Variants in RGS5 observed in about 807,000 individuals in gnomAD.
RGS5 encodes the protein regulator of G-protein signalling 5.
In RGS5, 20 loss-of-function variants were observed where a neutral mutation model predicts 18.9. The ratio of observed to expected loss-of-function variants is 1.06; its 90% confidence interval spans 0.74 to 1.54. The LOEUF is 1.54. Ranked by LOEUF, RGS5 falls within the 40% of genes most tolerant of loss-of-function variation. The probability of loss-of-function intolerance (pLI) is 0.00; values close to 1 mark genes in which losing one functional copy is unlikely to be tolerated. For missense variants in RGS5, 201 were observed against 211.8 expected (o/e 0.95, Z 0.32); for synonymous variants, 57 against 76.2 (o/e 0.75, Z 1.31).
chr1:163,296,550 C>G (rs917685455), intron 2 of RGS5, among the ~76,000 whole-genome samples: 1 of 152,158 alleles, frequency 6.6e-6, no homozygotes, highest in Non-Finnish European at 1.5e-5. Flanking sequence ...GTGGGCCACT[C>G]AGCCATCACT....
chr1:163,170,179 T>C (rs915823902), intron 1 of RGS5, among the ~76,000 whole-genome samples: 9 of 152,196 alleles, frequency 5.9e-5, no homozygotes, highest in Non-Finnish European at 1.2e-4. Flanking sequence ...TTACCCATGC[T>C]TTTAAGACAG....
chr1:163,196,278 C>T (rs1328837831), intron 1 of RGS5, among the ~76,000 whole-genome samples: 3 of 152,290 alleles, frequency 2.0e-5, no homozygotes, highest in African/African-American at 7.2e-5. Flanking sequence ...TTACTAATGA[C>T]TGATCCTGAC....
At chr1:163,313,997 A>ATGTG (rs760320834) in intron 1 of RGS5, among the ~76,000 whole-genome samples, 16 of 149,486 alleles carry the variant, frequency 1.1e-4, no homozygotes, top group Non-Finnish European at 1.5e-4. Flanking sequence ...AATAAGATAT[A>ATGTG]TATGTGTGTG....
At chr1:163,165,751 A>G (rs1459622733) in intron 2 of RGS5, among the ~76,000 whole-genome samples, 1 of 152,070 alleles carries the variant, frequency 6.6e-6, no homozygotes, top group Non-Finnish European at 1.5e-5. Context: ...ACTAAAAAAT[A>G]CAAAATTAGC....
At chr1:163,223,545 C>G (rs879050802) in intron 2 of RGS5, among the ~76,000 whole-genome samples, 1 of 152,122 alleles carries the variant, frequency 6.6e-6, no homozygotes, top group East Asian at 1.9e-4. Flanking sequence ...CCTATATCTC[C>G]AAACCTTTGG....
intron 2 of RGS5, among the ~76,000 whole-genome samples, chr1:163,264,500 T>C (rs935956834): frequency 2.0e-5 from 3 of 152,192 alleles, no homozygotes; most frequent in African/African-American, 7.2e-5. Flanking sequence ...ACACATTTCA[T>C]CCTTGAGCAT....
At chr1:163,278,475 T>G (rs182997894) in intron 2 of RGS5, among the ~76,000 whole-genome samples, 207 of 152,174 alleles carry the variant, frequency 1.4e-3, no homozygotes, top group South Asian at 2.5e-3. Context: ...TTAAGGGAGA[T>G]CATTTTCAGG....
At chr1:163,317,514 A>G (rs1191450381) in intron 1 of RGS5, among the ~76,000 whole-genome samples, 1 of 152,138 alleles carries the variant, frequency 6.6e-6, no homozygotes, top group Non-Finnish European at 1.5e-5. Flanking sequence ...GATTACTACA[A>G]TTATCTCCTA....
At chr1:163,176,569 TGAGATCACGCCA>T (rs1658568243) in intron 1 of RGS5, among the ~76,000 whole-genome samples, 1 of 147,270 alleles carries the variant, frequency 6.8e-6, no homozygotes, top group South Asian at 2.1e-4. Flanking sequence ...TGTGGTGAGC[TGAGATCACGCCA>T]TTGCACTCCA....
intron 2 of RGS5, among the ~76,000 whole-genome samples, chr1:163,300,015 T>C (rs1175045122): frequency 6.6e-6 from 1 of 152,242 alleles, no homozygotes; most frequent in Non-Finnish European, 1.5e-5. Context: ...TTCAACTTTA[T>C]AGCTTTCAAT....
chr1:163,228,583 T>G (rs560526298), intron 2 of RGS5, among the ~76,000 whole-genome samples: 2 of 152,318 alleles, frequency 1.3e-5, no homozygotes, highest in East Asian at 3.9e-4. Flanking sequence ...GGACACCTTT[T>G]CCCCATTGTC....
chr1:163,294,681 G>A (rs888765914), intron 2 of RGS5, among the ~76,000 whole-genome samples: 3 of 152,174 alleles, frequency 2.0e-5, no homozygotes, highest in African/African-American at 7.2e-5. Flanking sequence ...CCCAGAAAAT[G>A]GGGTTTTCTT....
chr1:163,166,464 A>C (rs1658057147), intron 2 of RGS5, among the ~76,000 whole-genome samples: 1 of 152,204 alleles, frequency 6.6e-6, no homozygotes, highest in African/African-American at 2.4e-5. Context: ...AATACAGAGA[A>C]ATTTTAAAGT....
intron 1 of RGS5, among the ~76,000 whole-genome samples, chr1:163,213,302 T>G (rs1195236217): frequency 6.6e-6 from 1 of 152,202 alleles, no homozygotes; most frequent in African/African-American, 2.4e-5. Flanking sequence ...AATTAAAACT[T>G]AAGTTTCCCT....
At chr1:163,188,370 C>T (rs1571263569) in intron 1 of RGS5, among the ~76,000 whole-genome samples, 1 of 152,124 alleles carries the variant, frequency 6.6e-6, no homozygotes. Flanking sequence ...AAGGCACCCA[C>T]AAAAGGAAAA....
At chr1:163,280,492 T>C (rs1455109417) in intron 2 of RGS5, among the ~76,000 whole-genome samples, 3 of 151,892 alleles carry the variant, frequency 2.0e-5, no homozygotes, top group Non-Finnish European at 4.4e-5. Context: ...AAATTAGCTA[T>C]AGAAATCAAA....
chr1:163,224,146 A>G (rs1258694360), intron 2 of RGS5, among the ~76,000 whole-genome samples: 1 of 152,134 alleles, frequency 6.6e-6, no homozygotes, highest in Non-Finnish European at 1.5e-5. Flanking sequence ...GTGCAATAGA[A>G]CACCAGAACT....
At chr1:163,228,050 C>A (rs10917703) in intron 2 of RGS5, among the ~76,000 whole-genome samples, 64,747 of 152,056 alleles carry the variant, frequency 0.43, 14,063 homozygotes, top group Non-Finnish European at 0.47. Context: ...ATGCCTGCAG[C>A]TTTTCTAGGT....
At chr1:163,287,304 C>T (rs1169829801) in intron 2 of RGS5, among the ~76,000 whole-genome samples, 1 of 152,160 alleles carries the variant, frequency 6.6e-6, no homozygotes, top group Admixed American at 6.5e-5. Flanking sequence ...CCTTACTCTC[C>T]TTATAGCCTT....
Sources: allele counts gnomAD v4.1 joint callset (sites outside exome capture counted in the v4.1 genomes callset), GRCh38; gene constraint gnomAD v4.1.1; transcripts MANE v1.5; gene names NCBI Gene and HGNC (gene_info 2026-07-23, HGNC 2026-07-21).